The following DMD variants were observed in gnomAD, a reference collection of about 807,000 sequenced individuals.
The protein encoded by DMD is mutant dystrophin.
Under a neutral mutation model 330.1 loss-of-function variants are expected in DMD, and 63 were observed. That is an observed-to-expected ratio of 0.19 (90% CI 0.16 to 0.24). The LOEUF (loss-of-function observed/expected upper bound fraction) is 0.24. Ranked by LOEUF, DMD falls within the 10% of genes least tolerant of loss-of-function variation. The pLI, the probability that DMD is intolerant of heterozygous loss-of-function variation, is 1.00. For missense variants in DMD, 3,344 were observed against 2,684.1 expected (o/e 1.25, Z -5.43); for synonymous variants, 1,223 against 959.8 (o/e 1.27, Z -5.07).
At chrX:31,335,504 A>G (rs2057365674) in intron 61 of DMD, among the ~76,000 whole-genome samples, 1 of 112,104 alleles carries the variant, frequency 8.9e-6, no homozygotes. Flanking sequence ...TATGTTACTG[A>G]CCATCTTACG....
intron 1 of DMD, among the ~76,000 whole-genome samples, chrX:33,094,672 G>C (rs866232124): frequency 9.1e-6 from 1 of 109,708 alleles, no homozygotes. Context: ...GCTGGGCATC[G>C]TGGCAGTCAC....
chrX:33,248,328 A>C, intron 1 of DMD, among the ~76,000 whole-genome samples: 1 of 112,519 alleles, frequency 8.9e-6, no homozygotes, highest in East Asian at 2.8e-4. Flanking sequence ...GGCGTGAGCC[A>C]CTGCGCCTGG....
At chrX:32,710,212 C>G (rs2065065104) in intron 7 of DMD, among the ~76,000 whole-genome samples, 1 of 109,166 alleles carries the variant, frequency 9.2e-6, no homozygotes, top group African/African-American at 3.3e-5. Flanking sequence ...AAGAATACAG[C>G]CCAAGGTCAT....
intron 44 of DMD, among the ~76,000 whole-genome samples, chrX:32,198,947 A>G (rs1440465515): frequency 8.9e-6 from 1 of 112,777 alleles, no homozygotes; most frequent in Non-Finnish European, 1.9e-5. Flanking sequence ...CACCAAAGAT[A>G]AAACAGTTTT....
chrX:31,160,729 G>C (rs2038709654), intron 74 of DMD, among the ~76,000 whole-genome samples: 1 of 111,317 alleles, frequency 9.0e-6, no homozygotes, highest in African/African-American at 3.3e-5. Context: ...TTTTTTCTCA[G>C]AGTATCTCAG....
intron 53 of DMD, among the ~76,000 whole-genome samples, chrX:31,671,467 C>A (rs73214032): frequency 0.012 from 1,357 of 111,974 alleles, 10 homozygotes; most frequent in Non-Finnish European, 0.02. Context: ...TTTTTTGAGG[C>A]GTTTCAAGTC....
At chrX:31,781,700 C>G (rs1005583913) in intron 50 of DMD, among the ~76,000 whole-genome samples, 19 of 111,229 alleles carry the variant, frequency 1.7e-4, no homozygotes, top group African/African-American at 5.5e-4. Flanking sequence ...GTTTCTCAAT[C>G]TCAGCACTAT....
rs758898867 is a variant in DMD at position 32,855,725 on chromosome X, T to C, written c.94-5905A>G. Reference sequence around the variant, plus strand: ...ACTATGAAACTACTACAAGAAATCATTGGGATAAAATCTCCAAGACACTGG... The same window carrying C: ...ACTATGAAACTACTACAAGAAATCACTGGGATAAAATCTCCAAGACACTGG... On this transcript the variant is annotated intron_variant, in intron 2 of 78. Transcript: ENST00000357033. 5.4e-5 allele frequency among the ~76,000 whole-genome samples: 6 copies of C among 112,094 alleles called. No individual in the cohort carries two copies. In the East Asian group the frequency reaches 1.4e-3, roughly 26 times the overall value.
chrX:32,796,746 A>C (rs1280389946), intron 7 of DMD, among the ~76,000 whole-genome samples: 1 of 112,319 alleles, frequency 8.9e-6, no homozygotes, highest in Admixed American at 9.5e-5. Context: ...ATCAATAAAA[A>C]TAAAAGTTCT....
intron 44 of DMD, among the ~76,000 whole-genome samples, chrX:32,108,648 T>C (rs1392147843): frequency 2.7e-5 from 3 of 112,031 alleles, no homozygotes; most frequent in Non-Finnish European, 5.7e-5. Context: ...GTATCTTTTC[T>C]CTGCTATTGG....
intron 1 of DMD, among the ~76,000 whole-genome samples, chrX:33,034,738 C>T (rs2147878344): frequency 8.9e-6 from 1 of 112,249 alleles, no homozygotes; most frequent in African/African-American, 3.2e-5. Context: ...TGGAATCATA[C>T]GGCCTGGATT....
intron 7 of DMD, among the ~76,000 whole-genome samples, chrX:32,737,314 G>A (rs1007132522): frequency 1.5e-4 from 17 of 111,236 alleles, no homozygotes; most frequent in African/African-American, 5.5e-4. Flanking sequence ...ACAAAGTAAT[G>A]TGATTTAGTG....
At chrX:32,363,013 G>C in intron 36 of DMD, 55 bp from the exon 37 acceptor site, 1 of 1,100,076 alleles carries the variant, frequency 9.1e-7, no homozygotes, top group South Asian at 1.9e-5. Flanking sequence ...TGAAGGTCAA[G>C]ATAGAAAAAG....
At chrX:32,936,949 T>C (rs1051159889) in intron 2 of DMD, among the ~76,000 whole-genome samples, 1 of 111,859 alleles carries the variant, frequency 8.9e-6, no homozygotes, top group African/African-American at 3.3e-5. Context: ...TCAAAGGAGT[T>C]AATATGCTAA....
chrX:33,089,789 A>C (rs2095060400), intron 1 of DMD, among the ~76,000 whole-genome samples: 1 of 110,992 alleles, frequency 9.0e-6, no homozygotes, highest in African/African-American at 3.3e-5. Context: ...GAATATTTAC[A>C]TTTTGCCTCT....
intron 13 of DMD, among the ~76,000 whole-genome samples, chrX:32,585,502 C>G (rs750987641): frequency 3.7e-5 from 4 of 108,407 alleles, no homozygotes; most frequent in Non-Finnish European, 7.7e-5. Context: ...GAGATCAAGA[C>G]CAACCTGGCT....
At chrX:31,377,215 G>A (rs779818416) in intron 60 of DMD, among the ~76,000 whole-genome samples, 7 of 111,829 alleles carry the variant, frequency 6.3e-5, no homozygotes, top group Non-Finnish European at 9.4e-5. Flanking sequence ...TTGAAGGGCT[G>A]TCTTTGCCAA....
rs770028742 is a variant in DMD, at chrX:32,981,701, A to T, written c.93+38438T>A. On this transcript the variant is annotated intron_variant, in intron 2 of 78. Coordinates refer to ENST00000357033, the MANE Select transcript of DMD (RefSeq NM_004006.3). Reference sequence around the variant, plus strand: ...TTTTGAAATACCATACTATTTACTAAGAGCTATAAAATGTGATAGTATCCT... The same window carrying T: ...TTTTGAAATACCATACTATTTACTATGAGCTATAAAATGTGATAGTATCCT... Among the ~76,000 whole-genome samples, 4 of 111,680 alleles carry T rather than the reference A, an allele frequency of 3.6e-5. No individual in the cohort carries two copies. In the South Asian group the frequency reaches 1.5e-3, roughly 41 times the overall value.
At chrX:31,232,682 C>A (rs1316815235) in intron 63 of DMD, among the ~76,000 whole-genome samples, 1 of 111,817 alleles carries the variant, frequency 8.9e-6, no homozygotes. Context: ...ACCTCCCCCA[C>A]TTGGAGCCTA....
Sources: allele counts gnomAD v4.1 joint callset (sites outside exome capture counted in the v4.1 genomes callset), GRCh38; gene constraint gnomAD v4.1.1; transcripts MANE v1.5; gene names NCBI Gene and HGNC (gene_info 2026-07-23, HGNC 2026-07-21).